Variants in IFT74 observed in about 807,000 individuals in gnomAD.
The protein encoded by IFT74 is intraflagellar transport protein 74 homolog.
Under a neutral mutation model 96.7 loss-of-function variants are expected in IFT74, and 92 were observed. The observed-to-expected ratio is 0.95, with a 90% confidence interval of 0.80 to 1.13. The LOEUF (loss-of-function observed/expected upper bound fraction) is 1.13. IFT74 is among the 50% of genes most tolerant of loss of function. The pLI is 0.00. For synonymous variants in IFT74, 223 were observed against 213.2 expected (o/e 1.05, Z -0.40); for missense variants, 811 against 698.2 (o/e 1.16, Z -1.82).
chr9:27,028,219 C>T (rs1829962957), intron 12 of IFT74, among the ~76,000 whole-genome samples: 1 of 152,136 alleles, frequency 6.6e-6, no homozygotes, highest in South Asian at 2.1e-4. Flanking sequence ...AGTATAACTG[C>T]TTTATGTTAA....
intron 11 of IFT74, 36 bp downstream of exon 11, chr9:27,017,086 G>C (rs765611864): frequency 9.6e-6 from 15 of 1,569,204 alleles, no homozygotes; most frequent in Non-Finnish European, 1.3e-5. Flanking sequence ...TAAGATGTCT[G>C]GTTTTGGTAC....
At chr9:26,966,408 C>G (rs141113128) in intron 2 of IFT74, among the ~76,000 whole-genome samples, 2 of 152,128 alleles carry the variant, frequency 1.3e-5, no homozygotes, top group Non-Finnish European at 2.9e-5. Context: ...TTTTGATTTG[C>G]ATTTCTCTGA....
chr9:27,051,192 A>C lies in IFT74; in HGVS notation c.1333+2918A>C, dbSNP rs559376790. Among the ~76,000 whole-genome samples, 6 of 152,272 alleles carry C rather than the reference A, an allele frequency of 3.9e-5. No individual in the cohort carries two copies. The South Asian group carries it at 1.2e-3, about 32-fold the overall frequency. ...CTGCATTCTGAAATAGAACTGCCCA[A>C]GGGTTTTAGATAAGGGATTATGGAC... On this transcript the variant is annotated intron_variant, in intron 16 of 19. Coordinates refer to ENST00000380062, the MANE Select transcript of IFT74 (RefSeq NM_025103.4).
At chr9:26,993,622 T>G (rs183221731) in intron 8 of IFT74, 1 of 152,424 alleles carries the variant, frequency 6.6e-6, no homozygotes, top group Non-Finnish European at 1.5e-5. Context: ...TAGCCTCTTT[T>G]TTCTAAGGAA....
chr9:27,040,943 G>A (rs943850645), intron 13 of IFT74, among the ~76,000 whole-genome samples: 2 of 152,188 alleles, frequency 1.3e-5, no homozygotes, highest in African/African-American at 2.4e-5. Context: ...CCCTTGCAGT[G>A]AGGACAGAGG....
intron 8 of IFT74, chr9:26,996,319 C>T: frequency 6.3e-7 from 1 of 1,580,854 alleles, no homozygotes; most frequent in Non-Finnish European, 8.6e-7. Context: ...ACCTGAATTT[C>T]TTGTTAAGTT....
At chr9:27,014,197 G>A (rs1282329502) in intron 10 of IFT74, among the ~76,000 whole-genome samples, 5 of 151,972 alleles carry the variant, frequency 3.3e-5, no homozygotes, top group South Asian at 4.1e-4. Context: ...CCTGGGCGAC[G>A]GAGCAAGATT....
upstream of IFT74, among the ~76,000 whole-genome samples, chr9:26,955,187 G>A (rs1826041011): frequency 6.6e-6 from 1 of 152,124 alleles, no homozygotes; most frequent in East Asian, 1.9e-4. Context: ...GCAGCTCACA[G>A]ACTCTCCCAG....
At chr9:26,950,648 G>A (rs1405643955) in intron 1 of IFT74, among the ~76,000 whole-genome samples, 1 of 152,204 alleles carries the variant, frequency 6.6e-6, no homozygotes, top group African/African-American at 2.4e-5. Flanking sequence ...TCTCTCATTA[G>A]TTATAATTCT....
intron 13 of IFT74, among the ~76,000 whole-genome samples, chr9:27,033,063 A>G (rs1402836586): frequency 6.6e-6 from 1 of 152,204 alleles, no homozygotes; most frequent in Non-Finnish European, 1.5e-5. Context: ...CATGGTTTAC[A>G]GTTTAATGTT....
chr9:27,004,394 G>A (rs1828667811), intron 8 of IFT74, among the ~76,000 whole-genome samples: 1 of 152,196 alleles, frequency 6.6e-6, no homozygotes, highest in Non-Finnish European at 1.5e-5. Context: ...TAGGTCTGAA[G>A]CTGTGAAATA....
chr9:27,058,582 T>A (rs187222317), intron 18 of IFT74, among the ~76,000 whole-genome samples: 13 of 151,102 alleles, frequency 8.6e-5, no homozygotes, highest in Non-Finnish European at 1.5e-4. Flanking sequence ...GAGACAGGGT[T>A]TCACCTTGTT....
chr9:26,996,257 GT>G (rs1828149895), intron 8 of IFT74: 1 of 1,019,298 alleles, frequency 9.8e-7, no homozygotes, highest in Non-Finnish European at 1.4e-6. Flanking sequence ...AACTACCTCA[GT>G]TTATTTAGTA....
chr9:26,959,161 T>C (rs569065842), intron 1 of IFT74, among the ~76,000 whole-genome samples: 4 of 152,080 alleles, frequency 2.6e-5, no homozygotes, highest in Non-Finnish European at 5.9e-5. Flanking sequence ...CAGGCTGGAG[T>C]GCAGTGGCAC....
chr9:26,948,448 A>ATTTTTTTTTTTTTTT lies in IFT74; in HGVS notation c.-20+1328_-20+1342dup, dbSNP rs71841244. Among the ~76,000 whole-genome samples, 51 of 59,164 alleles carry ATTTTTTTTTTTTTTT rather than the reference A, an allele frequency of 8.6e-4. 9 individuals are homozygous for ATTTTTTTTTTTTTTT. Among genetic ancestry groups the ATTTTTTTTTTTTTTT allele is most frequent in the Non-Finnish European group, 1.4e-3 (36 of 26,084 alleles). 38.8% of individuals were successfully genotyped at this position (59,164 alleles called of 152,430 possible). ...TGACAACCTGTGATGGCTTTCCATT[A>ATTTTTTTTTTTTTTT]TTTTTTTTTTTTTTTTTTTTTTTTT... On this transcript the variant is annotated intron_variant, in intron 1 of 19. Coordinates refer to the IFT74 transcript ENST00000433700.
At chr9:27,022,669 G>A (rs1029353587) in intron 12 of IFT74, among the ~76,000 whole-genome samples, 14 of 148,228 alleles carry the variant, frequency 9.4e-5, no homozygotes, top group South Asian at 4.3e-4. Flanking sequence ...TTGAGACAGC[G>A]TCTTGCTCTG....
chr9:27,036,075 A>G (rs182768327), intron 13 of IFT74, among the ~76,000 whole-genome samples: 2 of 152,252 alleles, frequency 1.3e-5, no homozygotes, highest in African/African-American at 2.4e-5. Flanking sequence ...AGCTAGAGAA[A>G]AGAAAATGTT....
chr9:27,024,320 A>C (rs1473114804), intron 12 of IFT74, among the ~76,000 whole-genome samples: 1 of 152,116 alleles, frequency 6.6e-6, no homozygotes, highest in Non-Finnish European at 1.5e-5. Flanking sequence ...TGAGACCCTA[A>C]AGACAGATCA....
chr9:27,004,872 T>G (rs1251962791), intron 8 of IFT74, among the ~76,000 whole-genome samples: 3 of 152,174 alleles, frequency 2.0e-5, no homozygotes, highest in Non-Finnish European at 4.4e-5. Flanking sequence ...AGAGCTTTAC[T>G]CAAAGGAAAT....
Sources: allele counts gnomAD v4.1 joint callset (sites outside exome capture counted in the v4.1 genomes callset), GRCh38; gene constraint gnomAD v4.1.1; transcripts MANE v1.5; gene names NCBI Gene and HGNC (gene_info 2026-07-23, HGNC 2026-07-21).